SEMA3E: variants seen among roughly 807,000 people sequenced by gnomAD.
SEMA3E encodes semaphorin 3E, also known as semaphorin-3E.
Under a neutral mutation model 93.6 loss-of-function variants are expected in SEMA3E, and 49 were observed. The observed-to-expected ratio is 0.52, with a 90% confidence interval of 0.42 to 0.66. SEMA3E has a LOEUF of 0.66. Among genes scored for constraint, SEMA3E ranks in the 30% least tolerant of loss-of-function variants. SEMA3E has a pLI of 0.00. For synonymous variants in SEMA3E, 363 were observed against 330.7 expected, an observed-to-expected ratio of 1.10 and a Z score of -1.06; for missense variants, 906 against 964.8, an observed-to-expected ratio of 0.94 and a Z score of 0.81.
chr7:83,472,302 C>G (rs1016871069), intron 2 of SEMA3E, among the ~76,000 whole-genome samples: 1 of 152,042 alleles, frequency 6.6e-6, no homozygotes, highest in Non-Finnish European at 1.5e-5. Flanking sequence ...TAATCCTTAC[C>G]ACAACTTTAT....
intron 2 of SEMA3E, among the ~76,000 whole-genome samples, chr7:83,470,973 A>G (rs1213656051): frequency 6.6e-6 from 1 of 151,102 alleles, no homozygotes; most frequent in Non-Finnish European, 1.5e-5. Context: ...ACATTAGTCT[A>G]CATTTTCTAC....
intron 1 of SEMA3E, among the ~76,000 whole-genome samples, chr7:83,621,394 C>A (rs893966443): frequency 4.6e-5 from 7 of 152,132 alleles, no homozygotes; most frequent in Non-Finnish European, 7.4e-5. Flanking sequence ...TAGGAAGAAT[C>A]AATATTGTGA....
At chr7:83,623,333 G>A (rs1049874527) in intron 1 of SEMA3E, among the ~76,000 whole-genome samples, 11 of 152,064 alleles carry the variant, frequency 7.2e-5, no homozygotes, top group African/African-American at 2.4e-4. Flanking sequence ...AGATAAAATG[G>A]AGGAAGCATA....
At chr7:83,533,147 T>A (rs1418584649) in intron 1 of SEMA3E, among the ~76,000 whole-genome samples, 1 of 152,104 alleles carries the variant, frequency 6.6e-6, no homozygotes, top group African/African-American at 2.4e-5. Context: ...TACCTAAATT[T>A]CCTTAGGGTA....
chr7:83,424,276 T>C (rs904301623), intron 4 of SEMA3E, among the ~76,000 whole-genome samples: 2 of 152,080 alleles, frequency 1.3e-5, no homozygotes, highest in African/African-American at 4.8e-5. Context: ...AATGAAGAGG[T>C]GCTTTGAACA....
At chr7:83,547,332 A>T (rs3757610) in intron 1 of SEMA3E, among the ~76,000 whole-genome samples, 16,483 of 152,128 alleles carry the variant, frequency 0.11, 957 homozygotes, top group East Asian at 0.19. Flanking sequence ...ACAATCTGAG[A>T]CTAGTTCATC....
intron 4 of SEMA3E, among the ~76,000 whole-genome samples, chr7:83,453,481 A>T (rs1789407940): frequency 6.6e-6 from 1 of 151,780 alleles, no homozygotes; most frequent in Non-Finnish European, 1.5e-5. Flanking sequence ...CGTAATCTCC[A>T]TTACATTTCT....
At chr7:83,583,857 C>T (rs1792563188) in intron 1 of SEMA3E, among the ~76,000 whole-genome samples, 1 of 152,066 alleles carries the variant, frequency 6.6e-6, no homozygotes, top group Non-Finnish European at 1.5e-5. Context: ...ATGCTTGATG[C>T]TGCCACAGCC....
At chr7:83,596,745 T>C (rs1792882379) in intron 1 of SEMA3E, among the ~76,000 whole-genome samples, 1 of 152,130 alleles carries the variant, frequency 6.6e-6, no homozygotes, top group African/African-American at 2.4e-5. Context: ...CAATCTCTTT[T>C]CTTGCTCTCC....
intron 16 of SEMA3E, among the ~76,000 whole-genome samples, chr7:83,384,694 C>T (rs1787844745): frequency 6.6e-6 from 1 of 151,974 alleles, no homozygotes; most frequent in Non-Finnish European, 1.5e-5. Context: ...TTTAAAGCTG[C>T]CTATTCTTCC....
Position 83,400,208 on chromosome 7 carries a change from C to A in SEMA3E, c.1186G>T (p.Asp396Tyr), listed in dbSNP as rs1258182548. Residue 396 changes from aspartate to tyrosine, a missense_variant, in exon 11 of 17, where the codon GAC becomes TAC. Physicochemically the swap from Asp to Tyr is radical, Grantham distance 160 (BLOSUM62 -3). Transcript: ENST00000643230. ...VNGGRYGTTK[D>Y]YPDDAIRFAR... is the part of the protein sequence containing the mutation. ...AATCGGATGGCATCATCAGGATAGTCCTTGGTGGTTCCGTATCTCCCTCCA... is the reference window on the plus strand; with the variant it reads ...AATCGGATGGCATCATCAGGATAGTACTTGGTGGTTCCGTATCTCCCTCCA... 1.2e-6 allele frequency: 2 copies of A among 1,613,860 alleles called. No individual in the cohort carries two copies. Among genetic ancestry groups the A allele is most frequent in the East Asian group, 4.5e-5 (2 of 44,832 alleles).
At chr7:83,458,229 T>C (rs923647308) in intron 4 of SEMA3E, among the ~76,000 whole-genome samples, 5 of 151,754 alleles carry the variant, frequency 3.3e-5, no homozygotes, top group African/African-American at 1.2e-4. Flanking sequence ...TATAAAGTTA[T>C]TCAATATCAT....
intron 1 of SEMA3E, among the ~76,000 whole-genome samples, chr7:83,563,698 A>C (rs2115843199): frequency 6.6e-6 from 1 of 152,306 alleles, no homozygotes; most frequent in East Asian, 1.9e-4. Context: ...CTAGAAACTT[A>C]AATGAGTTAT....
intron 1 of SEMA3E, among the ~76,000 whole-genome samples, chr7:83,611,685 C>A (rs1372211053): frequency 6.6e-6 from 1 of 152,020 alleles, no homozygotes; most frequent in East Asian, 1.9e-4. Flanking sequence ...TCCATAATAT[C>A]TTTTCTTTCT....
intron 1 of SEMA3E, among the ~76,000 whole-genome samples, chr7:83,610,885 C>T (rs1321260456): frequency 6.6e-6 from 1 of 152,026 alleles, no homozygotes; most frequent in Non-Finnish European, 1.5e-5. Context: ...TTGTTTCAAT[C>T]AACCCCTCTG....
intron 2 of SEMA3E, among the ~76,000 whole-genome samples, chr7:83,476,457 T>C (rs1790010896): frequency 6.6e-6 from 1 of 152,182 alleles, no homozygotes. Context: ...GAACACTCTC[T>C]ACAGTAAAGT....
chr7:83,570,948 A>G (rs1285109376), intron 1 of SEMA3E, among the ~76,000 whole-genome samples: 1 of 151,842 alleles, frequency 6.6e-6, no homozygotes, highest in Non-Finnish European at 1.5e-5. Flanking sequence ...GAAAATCTAG[A>G]GGAAATGAAT....
chr7:83,460,156 G>A (rs891658296), intron 4 of SEMA3E, among the ~76,000 whole-genome samples: 3 of 152,126 alleles, frequency 2.0e-5, no homozygotes, highest in African/African-American at 4.8e-5. Context: ...GACCTCCCTT[G>A]GGAGATCAAT....
chr7:83,478,049 T>G (rs958360586), intron 2 of SEMA3E, among the ~76,000 whole-genome samples: 10 of 152,088 alleles, frequency 6.6e-5, no homozygotes, highest in Admixed American at 4.6e-4. Flanking sequence ...GCCTCCCAAC[T>G]AGCTGGGATT....
Sources: gnomAD v4.1 joint callset for allele counts (sites outside exome capture counted in the v4.1 genomes callset) on GRCh38, gnomAD v4.1.1 for gene constraint, MANE v1.5 for transcripts, NCBI Gene and HGNC (gene_info 2026-07-23, HGNC 2026-07-21) for gene names.